Variants in KHDRBS1 observed in about 807,000 individuals in gnomAD.
The protein encoded by KHDRBS1 is KH RNA binding domain containing, signal transduction associated 1, also known as KH domain-containing, RNA-binding, signal transduction-associated protein 1.
In KHDRBS1, 7 loss-of-function variants were observed where a neutral mutation model predicts 48.4. The observed-to-expected ratio is 0.14, with a 90% CI of 0.08 to 0.27. The LOEUF (loss-of-function observed/expected upper bound fraction) is 0.27, where lower values mean the gene tolerates loss of function less well. Among genes scored for constraint, KHDRBS1 ranks in the 10% least tolerant of loss-of-function variants. The pLI is 1.00. For missense variants in KHDRBS1, 458 were observed against 601.2 expected, an observed-to-expected ratio of 0.76 and a Z score of 2.49; for synonymous variants, 241 against 235.8, an observed-to-expected ratio of 1.02 and a Z score of -0.20.
At chr1:32,044,405 T>A (rs1639333807), downstream of KHDRBS1, among the ~76,000 whole-genome samples, 1 of 152,230 alleles carries the variant, frequency 6.6e-6, no homozygotes, top group African/African-American at 2.4e-5. Flanking sequence ...GGGCAGGATT[T>A]GGCATGATAG....
chr1:32,019,063 A>C (rs1299638892), intron 1 of KHDRBS1, among the ~76,000 whole-genome samples: 1 of 152,102 alleles, frequency 6.6e-6, no homozygotes, highest in African/African-American at 2.4e-5. Context: ...CCGCCACTGC[A>C]CTCCAGCCTG....
chr1:32,037,164 A>G (rs2124384129), intron 5 of KHDRBS1, 121 bp downstream of exon 5: 1 of 1,071,168 alleles, frequency 9.3e-7, no homozygotes, highest in East Asian at 2.5e-5. Context: ...TGCATAAAGA[A>G]CAGAATTCTA....
chr1:32,048,428 T>A (rs1024781529), downstream of KHDRBS1, among the ~76,000 whole-genome samples: 7 of 152,174 alleles, frequency 4.6e-5, no homozygotes, highest in Admixed American at 4.6e-4. Context: ...GAGGATCACT[T>A]GAGTCGAGGA....
At chr1:32,051,006 C>A (rs2124398801) in intron 10 of KHDRBS1, among the ~76,000 whole-genome samples, 1 of 152,072 alleles carries the variant, frequency 6.6e-6, no homozygotes, top group East Asian at 1.9e-4. Context: ...AAGCAGTTCT[C>A]CCTGCCTCAG....
chr1:32,047,808 T>C (rs1256902161), downstream of KHDRBS1, among the ~76,000 whole-genome samples: 1 of 152,202 alleles, frequency 6.6e-6, no homozygotes, highest in Non-Finnish European at 1.5e-5. Context: ...TTCCAGAATA[T>C]TTCCATCACT....
intron 10 of KHDRBS1, among the ~76,000 whole-genome samples, chr1:32,049,268 C>G (rs972789961): frequency 2.0e-5 from 3 of 151,912 alleles, no homozygotes; most frequent in African/African-American, 4.8e-5. Context: ...GTTGGCCAGG[C>G]TGGTCTCGAA....
intron 4 of KHDRBS1, among the ~76,000 whole-genome samples, chr1:32,035,910 A>G (rs921120479): frequency 1.3e-5 from 2 of 152,224 alleles, no homozygotes; most frequent in East Asian, 1.9e-4. Flanking sequence ...AAGTTTTTCA[A>G]GAGACACTTA....
chr1:32,032,984 G>A (rs1639109925), intron 3 of KHDRBS1, among the ~76,000 whole-genome samples: 1 of 152,120 alleles, frequency 6.6e-6, no homozygotes, highest in Non-Finnish European at 1.5e-5. Flanking sequence ...CACCGCGCCT[G>A]GCTGCTTGTT....
intron 1 of KHDRBS1, 87 bp downstream of exon 1, chr1:32,014,464 C>A (rs1473122516): frequency 6.5e-6 from 8 of 1,225,314 alleles, no homozygotes; most frequent in Non-Finnish European, 8.3e-6. Context: ...TTCCCGCCCC[C>A]TCGGGACCGA....
Position 32,014,186 on chromosome 1 carries a change from C to T in KHDRBS1, c.191C>T (p.Pro64Leu). 1 of 1,339,426 alleles carries T rather than the reference C, an allele frequency of 7.5e-7. No homozygotes were observed. Among genetic ancestry groups the T allele is most frequent in the Non-Finnish European group, 9.6e-7 (1 of 1,041,018 alleles). 83.0% of individuals were successfully genotyped at this position (1,339,426 alleles called of 1,614,324 possible). Residue 64 changes from proline to leucine, a missense_variant, in exon 1 of 9, where the codon CCA becomes CTA. By Grantham distance (98) the Pro-to-Leu change is moderately conservative. Coordinates refer to ENST00000327300, the MANE Select transcript of KHDRBS1 (RefSeq NM_006559.3). Reference sequence around the variant, plus strand: ...CGGGCCTCGCCCGCCACGCAGCCGCCACCGCTGCTGCCGCCCTCGGCCACG... The same window carrying T: ...CGGGCCTCGCCCGCCACGCAGCCGCTACCGCTGCTGCCGCCCTCGGCCACG... ...GARASPATQP[P>L]PLLPPSATGP...
Position 32,014,321 on chromosome 1 carries a change from C to T in KHDRBS1, c.326C>T (p.Ala109Val). The T allele has an allele frequency of 6.4e-7, 1 of 1,554,660 alleles. No homozygotes were observed. The highest frequency in any genetic ancestry group is 1.2e-5 in the South Asian group (1 of 83,650). Residue 109 changes from alanine (A) to valine (V), a missense_variant, in exon 1 of 9, where the codon GCC (alanine) becomes GTC (valine). This residue lies in a region of KHDRBS1 where 213 missense variants were observed against 215.6 expected (regional missense o/e 0.99). Transcript: ENST00000327300. ...PENKYLPELM[A>V]EKDSLDPSFT... ...AACAAGTACCTGCCCGAACTCATGG[C>T]CGAGAAGGACTCGCTCGACCCGTCC...
At chr1:32,038,511 T>G in intron 6 of KHDRBS1, 41 bp from the exon 7 acceptor site, 1 of 1,590,376 alleles carries the variant, frequency 6.3e-7, no homozygotes, top group Non-Finnish European at 8.6e-7. Flanking sequence ...CTCTCTATGA[T>G]TTTGATCTTT....
At chr1:32,021,039 A>G (rs604954) in intron 1 of KHDRBS1, among the ~76,000 whole-genome samples, 3 of 152,222 alleles carry the variant, frequency 2.0e-5, no homozygotes, top group African/African-American at 4.8e-5. Context: ...ACAGATATGC[A>G]AAATGTTATG....
In KHDRBS1 at chr1:32,042,520, C is replaced by T. The variant is rs913472616; in HGVS notation, c.1235-7C>T. On this transcript the variant is annotated splice_polypyrimidine_tract_variant and splice_region_variant and intron_variant, in intron 8 of 8. Transcript: ENST00000327300. ...TGGTTTATAAACTGTCTTTGTTTTC[C>T]CCACAGGCCAGGACGACTGGAATGG... 11 of 1,606,458 alleles carry T rather than the reference C, an allele frequency of 6.8e-6. No individual in the cohort carries two copies. Among genetic ancestry groups the T allele is most frequent in the Middle Eastern group, 1.6e-4 (1 of 6,066 alleles).
chr1:32,055,848 C>T (rs1435366818), intron 10 of KHDRBS1, among the ~76,000 whole-genome samples: 1 of 152,066 alleles, frequency 6.6e-6, no homozygotes. Flanking sequence ...AGAATGTTCA[C>T]GGACCTCTAG....
intron 6 of KHDRBS1, 176 bp downstream of exon 6, chr1:32,038,212 G>C: frequency 1.0e-6 from 1 of 969,782 alleles, no homozygotes; most frequent in Non-Finnish European, 1.5e-6. Flanking sequence ...ATTTTAGGCA[G>C]GGTTTTACTA....
At chr1:32,056,571 C>T (rs577583753) in intron 10 of KHDRBS1, among the ~76,000 whole-genome samples, 1 of 152,156 alleles carries the variant, frequency 6.6e-6, no homozygotes, top group South Asian at 2.1e-4. Flanking sequence ...AGTTTGGGTT[C>T]AGATACAGAG....
At chr1:32,055,668 T>A (rs913073267) in intron 10 of KHDRBS1, among the ~76,000 whole-genome samples, 10 of 152,122 alleles carry the variant, frequency 6.6e-5, no homozygotes, top group Non-Finnish European at 1.3e-4. Flanking sequence ...AACTACCCGT[T>A]CTTTTGTTTC....
chr1:32,038,063 TC>T, intron 6 of KHDRBS1, 27 bp downstream of exon 6: 1 of 1,612,466 alleles, frequency 6.2e-7, no homozygotes, highest in Non-Finnish European at 8.5e-7. Context: ...ATGTGCCATT[TC>T]CCAGTACCTA....
Sources: gnomAD v4.1 joint callset for allele counts (sites outside exome capture counted in the v4.1 genomes callset) on GRCh38, gnomAD v4.1.1 for gene constraint, gnomAD v4.1.1 regional missense constraint, MANE v1.5 for transcripts, NCBI Gene and HGNC (gene_info 2026-07-23, HGNC 2026-07-21) for gene names.